IQGAP1: variants seen among roughly 807,000 people sequenced by gnomAD.
IQGAP1 encodes IQ motif containing GTPase activating protein 1, also known as ras GTPase-activating-like protein IQGAP1.
Under a neutral mutation model 215.6 loss-of-function variants are expected in IQGAP1, and 66 were observed. The observed-to-expected ratio is 0.31, with a 90% CI of 0.25 to 0.38. IQGAP1 has a LOEUF of 0.38. Ranked by LOEUF, IQGAP1 falls within the 10% of genes least tolerant of loss-of-function variation. The pLI, the probability that IQGAP1 is intolerant of heterozygous loss-of-function variation, is 1.00. For synonymous variants in IQGAP1, 772 were observed against 728.7 expected, an observed-to-expected ratio of 1.06 and a Z score of -0.96; for missense variants, 1,712 against 1,997.1, an observed-to-expected ratio of 0.86 and a Z score of 2.72.
chr15:90,434,558 A>T (rs1287941504), intron 5 of IQGAP1, among the ~76,000 whole-genome samples: 1 of 152,142 alleles, frequency 6.6e-6, no homozygotes, highest in Admixed American at 6.5e-5. Context: ...TTGGAATGTG[A>T]CTTAATTTTC....
chr15:90,485,778 T>C (rs1254071377), intron 30 of IQGAP1, among the ~76,000 whole-genome samples: 1 of 152,148 alleles, frequency 6.6e-6, no homozygotes, highest in East Asian at 1.9e-4. Context: ...GAATCCTTTA[T>C]GGCCATGAGG....
At position 90,388,266 on chromosome 15, in the gene IQGAP1, G is replaced by T. The variant is rs1055268533; in HGVS notation, c.-76G>T. The T allele has an allele frequency of 2.0e-6, 3 of 1,530,548 alleles. No individual in the cohort carries two copies. Among genetic ancestry groups the T allele is most frequent in the Non-Finnish European group, 1.8e-6 (2 of 1,124,940 alleles). The allele number at this position is 1,530,548 out of a possible 1,614,324, so 94.8% of individuals were successfully genotyped here. A position where few individuals can be genotyped will look rare whatever the true frequency, so the allele number is the denominator to read the frequency against. ...GGACCCCGGCAAGCCCGCGCACTTG[G>T]CAGGAGCTGTAGCTACCGCCGTCCG... On this transcript the variant is annotated 5_prime_UTR_variant, in exon 1 of 38. Coordinates refer to ENST00000268182, the MANE Select transcript of IQGAP1 (RefSeq NM_003870.4).
chr15:90,438,812 C>T (rs1408389785), intron 5 of IQGAP1, among the ~76,000 whole-genome samples: 1 of 150,440 alleles, frequency 6.6e-6, no homozygotes, highest in Admixed American at 6.6e-5. Context: ...GCAGCCTTTG[C>T]CTCCCAGGTT....
At chr15:90,448,202 G>A (rs1965551118) in intron 9 of IQGAP1, among the ~76,000 whole-genome samples, 1 of 152,204 alleles carries the variant, frequency 6.6e-6, no homozygotes, top group Non-Finnish European at 1.5e-5. Flanking sequence ...ACTTTCTCCT[G>A]TTTGGTAGTC....
chr15:90,453,107 T>G (rs769190240), intron 12 of IQGAP1, 25 bp from the exon 13 acceptor site: 2 of 1,585,690 alleles, frequency 1.3e-6, no homozygotes, highest in Non-Finnish European at 8.6e-7. Flanking sequence ...CCTCACTGTT[T>G]TCCCTTCTGT....
chr15:90,460,228 C>T (rs1326391987), intron 15 of IQGAP1, among the ~76,000 whole-genome samples: 1 of 152,032 alleles, frequency 6.6e-6, no homozygotes, highest in Non-Finnish European at 1.5e-5. Context: ...CGCTGGTTGC[C>T]CATTTTATAT....
At chr15:90,477,011 T>A (rs1368688533) in intron 24 of IQGAP1, 56 bp from the exon 25 acceptor site, 2 of 1,521,848 alleles carry the variant, frequency 1.3e-6, no homozygotes, top group African/African-American at 1.4e-5. Context: ...TAATTGAATA[T>A]ATCTTGCCAG....
At position 90,388,320 on chromosome 15, in the gene IQGAP1, C is replaced by T. The variant is rs753345704; in HGVS notation, c.-22C>T. 2.5e-6 allele frequency: 4 copies of T among 1,597,534 alleles called. No individual in the cohort carries two copies. The African/African-American group carries it at 4.1e-5, about 17-fold the overall frequency. Reference sequence around the variant, plus strand: ...CTCCAAGGTTTCACGGCTTCCTCAGCAGAGACTCGGGCTCGTCCGCCATGT... The same window carrying T: ...CTCCAAGGTTTCACGGCTTCCTCAGTAGAGACTCGGGCTCGTCCGCCATGT... On this transcript the variant is annotated 5_prime_UTR_variant, in exon 1 of 38. Transcript: ENST00000268182.
intron 8 of IQGAP1, 24 bp downstream of exon 8, chr15:90,441,708 T>C: frequency 2.0e-6 from 3 of 1,508,948 alleles, no homozygotes; most frequent in Middle Eastern, 3.4e-4. Context: ...ATCTATTCTT[T>C]CTAATTAATT....
rs770475990 is a variant in IQGAP1 at position 90,483,588 on chromosome 15, A to G, written c.3783A>G (p.Lys1261=). ...INEYLSQSYQ[K]FRRFFQTACD... is the part of the protein sequence containing the mutation. ...AATATCTTTCCCAGTCCTACCAGAA[A>G]TTCAGGTAAGGGGAAAGGCACAAGT... Residue 1261 remains lysine, a synonymous_variant, in exon 29 of 38, where the codon AAA becomes AAG. Coordinates refer to ENST00000268182, the MANE Select transcript of IQGAP1 (RefSeq NM_003870.4). The G allele has an allele frequency of 4.2e-5, 68 of 1,605,400 alleles. No homozygotes were observed. Among genetic ancestry groups the G allele is most frequent in the Non-Finnish European group, 5.0e-5 (59 of 1,174,878 alleles).
chr15:90,418,609 G>A (rs1427682441), intron 2 of IQGAP1, among the ~76,000 whole-genome samples: 1 of 151,920 alleles, frequency 6.6e-6, no homozygotes, highest in Non-Finnish European at 1.5e-5. Flanking sequence ...TTAAAAGACT[G>A]TAATTAAAGA....
chr15:90,425,879 A>G (rs938689868), intron 2 of IQGAP1, among the ~76,000 whole-genome samples: 10 of 152,168 alleles, frequency 6.6e-5, no homozygotes, highest in African/African-American at 2.4e-4. Flanking sequence ...AGCAGAGGAA[A>G]GTGGGGTGGA....
At chr15:90,468,068 G>A (rs1173675217) in intron 18 of IQGAP1, among the ~76,000 whole-genome samples, 2 of 136,112 alleles carry the variant, frequency 1.5e-5, no homozygotes, top group African/African-American at 5.5e-5. Flanking sequence ...TTGTTTGTTT[G>A]TTTTTTGTTT....
chr15:90,444,197 A>G (rs953267532), intron 9 of IQGAP1, among the ~76,000 whole-genome samples: 13 of 150,776 alleles, frequency 8.6e-5, no homozygotes, highest in Non-Finnish European at 1.5e-5. Context: ...AATAATCATC[A>G]CTTAGGAATA....
chr15:90,395,419 A>T (rs28372225), intron 2 of IQGAP1, among the ~76,000 whole-genome samples: 2 of 151,720 alleles, frequency 1.3e-5, no homozygotes, highest in Non-Finnish European at 1.5e-5. Flanking sequence ...CTCCCAGGTT[A>T]ACGCCATTCT....
intron 26 of IQGAP1, among the ~76,000 whole-genome samples, 184 bp from the exon 27 acceptor site, chr15:90,481,776 G>C (rs773928567): frequency 6.6e-6 from 1 of 152,160 alleles, no homozygotes; most frequent in East Asian, 1.9e-4. Context: ...CACAATTCAG[G>C]CACCTGATTC....
At chr15:90,451,651 G>C (rs1189709784) in intron 11 of IQGAP1, among the ~76,000 whole-genome samples, 1 of 151,846 alleles carries the variant, frequency 6.6e-6, no homozygotes, top group Non-Finnish European at 1.5e-5. Flanking sequence ...CCCTTAGGGT[G>C]ATGTCAGGTA....
chr15:90,477,216 C>G lies in IQGAP1; in HGVS notation c.3090C>G (p.Leu1030=). 1.2e-6 allele frequency: 2 copies of G among 1,614,000 alleles called. No individual in the cohort carries two copies. The highest frequency in any genetic ancestry group is 1.7e-6 in the Non-Finnish European group (2 of 1,179,974). ...YLLLRLFKTA[L]QEEIKSKVDQ... is the part of the protein sequence containing the mutation. ...TCCTGCGGCTCTTTAAGACAGCACT[C>G]CAAGAGGAAATCAAGTATGAACAGA... The change falls in exon 25 of 38, where the codon CTC becomes CTG. Residue 1030 remains leucine, a synonymous_variant. Coordinates refer to ENST00000268182, the MANE Select transcript of IQGAP1 (RefSeq NM_003870.4).
intron 16 of IQGAP1, 68 bp downstream of exon 16, chr15:90,466,159 A>G (rs995728619): frequency 6.3e-6 from 10 of 1,576,630 alleles, no homozygotes; most frequent in Non-Finnish European, 7.9e-6. Context: ...GTACAGCTTG[A>G]CCAAGATAGG....
Sources: gnomAD v4.1 joint callset for allele counts (sites outside exome capture counted in the v4.1 genomes callset) on GRCh38, gnomAD v4.1.1 for gene constraint, MANE v1.5 for transcripts, NCBI Gene and HGNC (gene_info 2026-07-23, HGNC 2026-07-21) for gene names.